The following GFRA1 variants were observed in gnomAD, a reference collection of about 807,000 sequenced individuals.
GFRA1 encodes the protein GDNF family receptor alpha 1, also known as GDNF family receptor alpha-1.
GFRA1 carries 16 observed loss-of-function variants against 51.6 expected under a neutral mutation model. The observed-to-expected ratio is 0.31, with a 90% CI of 0.21 to 0.47. The LOEUF is 0.47. Among genes scored for constraint, GFRA1 ranks in the 20% least tolerant of loss-of-function variants. The probability of loss-of-function intolerance (pLI) is 1.00; values close to 1 mark genes in which losing one functional copy is unlikely to be tolerated. For missense variants in GFRA1, 530 were observed against 594.3 expected (o/e 0.89, Z 1.13); for synonymous variants, 270 against 241.3 (o/e 1.12, Z -1.10).
At chr10:116,085,574 G>A (rs200329344) in intron 9 of GFRA1, among the ~76,000 whole-genome samples, 2 of 152,146 alleles carry the variant, frequency 1.3e-5, no homozygotes, top group East Asian at 1.9e-4. Flanking sequence ...GCAGGCAGAG[G>A]AGGGTCAGAT....
chr10:116,259,994 T>G (rs1452945068), intron 4 of GFRA1, among the ~76,000 whole-genome samples: 1 of 152,186 alleles, frequency 6.6e-6, no homozygotes, highest in Non-Finnish European at 1.5e-5. Context: ...GACTCCTCTT[T>G]GCTCACTCAC....
At chr10:116,152,583 G>T (rs1195276199) in intron 5 of GFRA1, among the ~76,000 whole-genome samples, 1 of 152,146 alleles carries the variant, frequency 6.6e-6, no homozygotes, top group Non-Finnish European at 1.5e-5. Context: ...CATTCACGAG[G>T]GATCTGCCCG....
At chr10:116,084,661 T>C (rs1331331851) in intron 9 of GFRA1, among the ~76,000 whole-genome samples, 1 of 152,024 alleles carries the variant, frequency 6.6e-6, no homozygotes, top group Non-Finnish European at 1.5e-5. Context: ...AAACACCACA[T>C]TAAGATGTCT....
chr10:116,073,941 C>CA (rs1339295947), intron 9 of GFRA1, among the ~76,000 whole-genome samples: 4 of 151,722 alleles, frequency 2.6e-5, no homozygotes, highest in Admixed American at 6.6e-5. Context: ...GTTGGTGTTG[C>CA]AAAAAAACAA....
chr10:116,198,375 C>T (rs758480828), intron 5 of GFRA1, among the ~76,000 whole-genome samples: 4 of 152,206 alleles, frequency 2.6e-5, no homozygotes, highest in Non-Finnish European at 4.4e-5. Context: ...CATCACGAAC[C>T]TTAATCCATC....
At chr10:116,193,635 C>T (rs1005333725) in intron 5 of GFRA1, among the ~76,000 whole-genome samples, 7 of 152,266 alleles carry the variant, frequency 4.6e-5, no homozygotes, top group South Asian at 2.1e-4. Flanking sequence ...GAGAGGGATG[C>T]AGACCCTCTC....
intron 9 of GFRA1, among the ~76,000 whole-genome samples, chr10:116,089,271 G>A (rs1391631647): frequency 1.3e-5 from 2 of 152,100 alleles, no homozygotes; most frequent in Non-Finnish European, 2.9e-5. Flanking sequence ...AGTCTGCATG[G>A]GAATTAACCA....
intron 6 of GFRA1, among the ~76,000 whole-genome samples, chr10:116,107,512 C>G (rs2133953463): frequency 6.6e-6 from 1 of 152,318 alleles, no homozygotes; most frequent in Middle Eastern, 3.4e-3. Flanking sequence ...AGAAATTACT[C>G]CTGTGAGTCT....
chr10:116,185,006 G>A (rs1438522892), intron 5 of GFRA1, among the ~76,000 whole-genome samples: 2 of 152,054 alleles, frequency 1.3e-5, no homozygotes, highest in African/African-American at 2.4e-5. Flanking sequence ...TTTTTCCATC[G>A]AAAAATATAT....
At chr10:116,251,963 C>CTTTTT (rs3032041) in intron 4 of GFRA1, among the ~76,000 whole-genome samples, 9,082 of 79,784 alleles carry the variant, frequency 0.11, 1,036 homozygotes, top group East Asian at 0.19. Flanking sequence ...CAATAGGCCT[C>CTTTTT]TTTTTTTTTT....
In GFRA1 at chr10:116,089,881, C is replaced by T. The variant is rs752853615; in HGVS notation, c.1057G>A (p.Val353Met). The change falls in exon 9 of 11, where the codon GTG becomes ATG. Residue 353 changes from valine to methionine, a missense_variant. Coordinates refer to ENST00000355422, the MANE Select transcript of GFRA1 (RefSeq NM_005264.8). ...TGTACTGGGAAGGCTGGCTGCCACA[C>T]GGTCACATCGGAGCCATTGCCAAAG... ...QAFGNGSDVTVWQPAFPVQTT... is the reference protein window; with the variant it reads ...QAFGNGSDVTMWQPAFPVQTT... 25 of 1,613,858 alleles carry T rather than the reference C, an allele frequency of 1.5e-5. No homozygotes were observed. The highest frequency in any genetic ancestry group is 6.7e-5 in the Admixed American group (4 of 59,988).
In GFRA1 at chr10:116,096,881, GCACACA is replaced by G. The variant is rs1032555165; in HGVS notation, c.771-123_771-118del. The G allele has an allele frequency of 1.9e-3, 408 of 218,084 alleles. 2 individuals carry two copies. Among genetic ancestry groups the G allele is most frequent in the African/African-American group, 6.3e-3 (205 of 32,544 alleles). 13.5% of individuals were successfully genotyped at this position (218,084 alleles called of 1,614,324 possible). ...TATGCCTTTTTCTGCACACGCACAC[GCACACA>G]CACACACACACACATACACACAAAA... is the stretch of plus-strand genomic sequence containing the variant. On this transcript the variant is annotated intron_variant, in intron 6 of 10. Transcript: ENST00000355422.
At chr10:116,132,408 T>C (rs529793662) in intron 5 of GFRA1, among the ~76,000 whole-genome samples, 7 of 152,282 alleles carry the variant, frequency 4.6e-5, no homozygotes, top group African/African-American at 1.4e-4. Flanking sequence ...GCTGAGTATA[T>C]ATGCATTAAC....
intron 4 of GFRA1, chr10:116,255,829 T>C (rs1968795397): frequency 3.9e-6 from 4 of 1,025,354 alleles, no homozygotes; most frequent in Non-Finnish European, 5.3e-6. Flanking sequence ...GCAAAAAACC[T>C]GAGTTACTGC....
chr10:116,197,217 C>A (rs1589864167), intron 5 of GFRA1, among the ~76,000 whole-genome samples: 1 of 152,068 alleles, frequency 6.6e-6, no homozygotes. Flanking sequence ...TTCATGGAAG[C>A]AGAGCCTTCA....
chr10:116,080,528 G>A (rs1955804957), intron 9 of GFRA1, among the ~76,000 whole-genome samples: 2 of 152,088 alleles, frequency 1.3e-5, no homozygotes, highest in African/African-American at 4.8e-5. Flanking sequence ...GAAGTTTCAC[G>A]GTGCATCTCT....
intron 5 of GFRA1, among the ~76,000 whole-genome samples, chr10:116,145,693 G>A (rs968351725): frequency 4.6e-5 from 7 of 152,232 alleles, no homozygotes; most frequent in African/African-American, 1.2e-4. Flanking sequence ...ATACCTGAGC[G>A]AAAGAATTTA....
At chr10:116,117,393 C>T (rs1015276401) in intron 6 of GFRA1, among the ~76,000 whole-genome samples, 2 of 152,112 alleles carry the variant, frequency 1.3e-5, no homozygotes, top group African/African-American at 4.8e-5. Flanking sequence ...TTCTCACCTC[C>T]CATAGCACTT....
intron 4 of GFRA1, 141 bp downstream of exon 4, chr10:116,269,362 T>G (rs1969913252): frequency 2.8e-6 from 2 of 707,192 alleles, no homozygotes; most frequent in Admixed American, 2.0e-5. Context: ...GCCTCTTCAT[T>G]ATCATCATCC....
Sources: allele counts gnomAD v4.1 joint callset (sites outside exome capture counted in the v4.1 genomes callset), GRCh38; gene constraint gnomAD v4.1.1; transcripts MANE v1.5; gene names NCBI Gene and HGNC (gene_info 2026-07-23, HGNC 2026-07-21).